Variants in DMRT1 observed in about 807,000 individuals in gnomAD.
DMRT1 encodes the protein doublesex and mab-3 related transcription factor 1.
Under a neutral mutation model 32.3 loss-of-function variants are expected in DMRT1, and 7 were observed. That is an observed-to-expected ratio of 0.22 (90% CI 0.12 to 0.41). The LOEUF (loss-of-function observed/expected upper bound fraction) is 0.41. DMRT1 is among the 10% of genes least tolerant of loss of function. The pLI is 1.00. For synonymous variants in DMRT1, 278 were observed against 206.1 expected, an observed-to-expected ratio of 1.35 and a Z score of -2.99; for missense variants, 625 against 500.5, an observed-to-expected ratio of 1.25 and a Z score of -2.37.
At chr9:955,525 C>A (rs1055769108) in intron 4 of DMRT1, among the ~76,000 whole-genome samples, 1 of 152,054 alleles carries the variant, frequency 6.6e-6, no homozygotes, top group Non-Finnish European at 1.5e-5. Flanking sequence ...AGCAACATGG[C>A]GAAACCCTGC....
chr9:864,730 A>C (rs10815914), intron 2 of DMRT1, among the ~76,000 whole-genome samples: 17 of 147,760 alleles, frequency 1.2e-4, no homozygotes, highest in African/African-American at 4.2e-4. Context: ...TCCATCTCCT[A>C]ACCTTGCGAT....
chr9:864,952 T>A, intron 2 of DMRT1, among the ~76,000 whole-genome samples: 1 of 152,210 alleles, frequency 6.6e-6, no homozygotes, highest in Non-Finnish European at 1.5e-5. Context: ...GGTATGGCCG[T>A]GATGCAGGAA....
intron 4 of DMRT1, among the ~76,000 whole-genome samples, chr9:923,028 C>T (rs992791439): frequency 4.6e-5 from 7 of 152,194 alleles, no homozygotes; most frequent in African/African-American, 9.7e-5. Context: ...TTGGCAATGT[C>T]GTGGACCAGG....
Position 967,997 on chromosome 9 carries a change from C to T in DMRT1, c.980C>T (p.Pro327Leu). 6 of 1,614,008 alleles carry T rather than the reference C, an allele frequency of 3.7e-6. No homozygotes were observed. Among genetic ancestry groups the T allele is most frequent in the Non-Finnish European group, 5.1e-6 (6 of 1,180,028 alleles). Residue 327 changes from proline to leucine, a missense_variant, in exon 5 of 5, where the codon CCC (proline) becomes CTC (leucine). Transcript: ENST00000382276. ...PEARASVFSPPSSQDSGLVSL... is the reference protein window; with the variant it reads ...PEARASVFSPLSSQDSGLVSL... ...CCTCACTTCGCAGTATTCTCGCCGC[C>T]CAGCAGTCAAGATTCTGGCTTGGTT...
intron 4 of DMRT1, among the ~76,000 whole-genome samples, chr9:942,974 C>A (rs1420337818): frequency 6.6e-6 from 1 of 152,024 alleles, no homozygotes; most frequent in South Asian, 2.1e-4. Flanking sequence ...GACTTTAAAC[C>A]TCTGCACACC....
intron 2 of DMRT1, among the ~76,000 whole-genome samples, chr9:871,254 T>C (rs1424284516): frequency 6.6e-6 from 1 of 151,834 alleles, no homozygotes; most frequent in African/African-American, 2.4e-5. Context: ...TCTTGAATTA[T>C]TGAGCTCGAG....
At chr9:851,200 T>A (rs1839136979) in intron 2 of DMRT1, among the ~76,000 whole-genome samples, 1 of 152,118 alleles carries the variant, frequency 6.6e-6, no homozygotes, top group East Asian at 1.9e-4. Flanking sequence ...GTCTAGTGTT[T>A]ACTAGGTCAG....
rs141723193 is a variant in DMRT1 at position 848,125 on chromosome 9, C to T, written c.538+982C>T. Reference sequence around the variant, plus strand: ...AAAGTGTTCTAAGCTCCATGAAATACAGCCTAGCAGTGTGATATCACCTTG... The same window carrying T: ...AAAGTGTTCTAAGCTCCATGAAATATAGCCTAGCAGTGTGATATCACCTTG... On this transcript the variant is annotated intron_variant, in intron 2 of 4. Coordinates refer to ENST00000382276, the MANE Select transcript of DMRT1 (RefSeq NM_021951.3). Among the ~76,000 whole-genome samples, 52 of 152,340 alleles carry T rather than the reference C, an allele frequency of 3.4e-4. No individual in the cohort carries two copies. In the East Asian group the frequency reaches 6.6e-3, roughly 19 times the overall value.
At chr9:876,693 A>C (rs1157506833) in intron 2 of DMRT1, among the ~76,000 whole-genome samples, 1 of 151,924 alleles carries the variant, frequency 6.6e-6, no homozygotes, top group Non-Finnish European at 1.5e-5. Context: ...CACTATGCCC[A>C]GCTATTTTAA....
At chr9:927,814 G>A (rs146255376) in intron 4 of DMRT1, among the ~76,000 whole-genome samples, 2 of 152,312 alleles carry the variant, frequency 1.3e-5, no homozygotes, top group East Asian at 3.9e-4. Context: ...CAGTTTAGAA[G>A]CAGCTTTGAT....
At chr9:956,521 G>A (rs1296431354) in intron 4 of DMRT1, among the ~76,000 whole-genome samples, 1 of 149,428 alleles carries the variant, frequency 6.7e-6, no homozygotes, top group Non-Finnish European at 1.5e-5. Context: ...TTATGATTGA[G>A]CCATTGCACT....
chr9:941,476 C>A (rs1050312962), intron 4 of DMRT1, among the ~76,000 whole-genome samples: 1 of 152,040 alleles, frequency 6.6e-6, no homozygotes, highest in Non-Finnish European at 1.5e-5. Flanking sequence ...GTTTAAGGTA[C>A]TTAGAGTAGT....
rs540857825 is a variant in DMRT1, at chr9:841,791, C to T, written c.-48C>T. The T allele has an allele frequency of 1.3e-5, 20 of 1,570,322 alleles. No individual in the cohort carries two copies. In the South Asian group the frequency reaches 2.3e-4, roughly 18 times the overall value. On this transcript the variant is annotated 5_prime_UTR_variant, in exon 1 of 5. Transcript: ENST00000382276. ...TCGGGTTCATCCCTCGCAGCAGTCTCCAGGCGAGAGAGGGGGCCAGAGTGC... is the reference window on the plus strand; with the variant it reads ...TCGGGTTCATCCCTCGCAGCAGTCTTCAGGCGAGAGAGGGGGCCAGAGTGC...
rs1444340792 is a variant in DMRT1 at position 871,903 on chromosome 9, C to T, written c.539-22009C>T. ...CTGCTTTGAGTTTAAAACGATGGCC[C>T]TTTTCCAACAACTACCATTTCTTGT... On this transcript the variant is annotated intron_variant, in intron 2 of 4. Coordinates refer to ENST00000382276, the MANE Select transcript of DMRT1 (RefSeq NM_021951.3). 2.0e-5 allele frequency among the ~76,000 whole-genome samples: 3 copies of T among 151,338 alleles called. 1 individual carries two copies. Among genetic ancestry groups the T allele is most frequent in the Admixed American group, 2.0e-4 (3 of 15,234 alleles).
At chr9:901,534 C>G (rs1817574992) in intron 3 of DMRT1, among the ~76,000 whole-genome samples, 2 of 151,508 alleles carry the variant, frequency 1.3e-5, no homozygotes, top group Non-Finnish European at 2.9e-5. Flanking sequence ...ACCATGTTGG[C>G]CAGGCTGGTC....
chr9:921,671 A>T (rs1242653180), intron 4 of DMRT1, among the ~76,000 whole-genome samples: 1 of 152,148 alleles, frequency 6.6e-6, no homozygotes, highest in African/African-American at 2.4e-5. Context: ...TTAAAAAAAC[A>T]GTTTCCAGCC....
intron 2 of DMRT1, among the ~76,000 whole-genome samples, chr9:878,623 CA>C (rs1205095031): frequency 1.3e-5 from 2 of 152,106 alleles, no homozygotes; most frequent in Non-Finnish European, 2.9e-5. Flanking sequence ...TGGCCAGGTG[CA>C]GCCCAGCCCT....
At chr9:951,097 A>T (rs1338783769) in intron 4 of DMRT1, among the ~76,000 whole-genome samples, 1 of 152,214 alleles carries the variant, frequency 6.6e-6, no homozygotes, top group African/African-American at 2.4e-5. Context: ...GGAAATAATT[A>T]AAAGTTCATT....
At chr9:876,730 C>A (rs1038211100) in intron 2 of DMRT1, among the ~76,000 whole-genome samples, 1 of 152,112 alleles carries the variant, frequency 6.6e-6, no homozygotes, top group Admixed American at 6.5e-5. Context: ...GGGGTCTCGC[C>A]ATGTTGCTCA....
Sources: allele counts gnomAD v4.1 joint callset (sites outside exome capture counted in the v4.1 genomes callset), GRCh38; gene constraint gnomAD v4.1.1; transcripts MANE v1.5; gene names NCBI Gene and HGNC (gene_info 2026-07-23, HGNC 2026-07-21).